CTNNA2: variants seen among roughly 807,000 people sequenced by gnomAD.
CTNNA2 encodes catenin alpha 2.
Under a neutral mutation model 101.0 loss-of-function variants are expected in CTNNA2, and 42 were observed. That is an observed-to-expected ratio of 0.42 (90% CI 0.32 to 0.54). CTNNA2 has a LOEUF of 0.54. Ranked by LOEUF, CTNNA2 falls within the 20% of genes least tolerant of loss-of-function variation. CTNNA2 has a pLI of 0.14. For missense variants in CTNNA2, 871 were observed against 1,223.1 expected (o/e 0.71, Z 4.29); for synonymous variants, 450 against 456.4 (o/e 0.99, Z 0.18).
At chr2:79,598,750 G>A (rs1353260040) in intron 1 of CTNNA2, among the ~76,000 whole-genome samples, 2 of 152,150 alleles carry the variant, frequency 1.3e-5, no homozygotes, top group Non-Finnish European at 2.9e-5. Flanking sequence ...CTCCCAGTGT[G>A]TGTATTGTCT....
intron 2 of CTNNA2, among the ~76,000 whole-genome samples, chr2:79,730,996 A>G (rs534889415): frequency 2.4e-4 from 37 of 152,184 alleles, no homozygotes; most frequent in Non-Finnish European, 4.7e-4. Flanking sequence ...AGAAATTAAT[A>G]TCAAGGAAAC....
chr2:80,484,138 T>G (rs749067149), intron 9 of CTNNA2, among the ~76,000 whole-genome samples: 1 of 152,286 alleles, frequency 6.6e-6, no homozygotes, highest in East Asian at 1.9e-4. Flanking sequence ...CCAAGAAATA[T>G]ATAGAAAACC....
At chr2:80,637,192 G>C (rs1191283153) in intron 18 of CTNNA2, among the ~76,000 whole-genome samples, 2 of 152,150 alleles carry the variant, frequency 1.3e-5, no homozygotes, top group Non-Finnish European at 2.9e-5. Flanking sequence ...GGAAAGATGG[G>C]TCATAATAAT....
chr2:79,529,954 A>G (rs569955232), intron 1 of CTNNA2, among the ~76,000 whole-genome samples: 5 of 152,028 alleles, frequency 3.3e-5, no homozygotes, highest in African/African-American at 1.2e-4. Flanking sequence ...CTAAAAGTGT[A>G]GCAGTTGTGC....
intron 7 of CTNNA2, among the ~76,000 whole-genome samples, chr2:80,332,175 A>G (rs1466312664): frequency 6.6e-6 from 1 of 152,168 alleles, no homozygotes; most frequent in Non-Finnish European, 1.5e-5. Flanking sequence ...TGTGCATTGA[A>G]CAGTGTTTCT....
intron 2 of CTNNA2, among the ~76,000 whole-genome samples, chr2:79,686,219 CTAA>C (rs1164149087): frequency 6.6e-6 from 1 of 152,074 alleles, no homozygotes; most frequent in Non-Finnish European, 1.5e-5. Flanking sequence ...TTACTGAAAG[CTAA>C]GGAGATTGGA....
intron 3 of CTNNA2, among the ~76,000 whole-genome samples, chr2:79,328,868 AAGG>A (rs1676807019): frequency 6.6e-6 from 1 of 152,162 alleles, no homozygotes; most frequent in South Asian, 2.1e-4. Flanking sequence ...CCAGAGGCTC[AAGG>A]GATGTTTCTG....
chr2:79,288,768 C>A (rs1167672361), intron 2 of CTNNA2, among the ~76,000 whole-genome samples: 2 of 152,168 alleles, frequency 1.3e-5, no homozygotes, highest in East Asian at 1.9e-4. Flanking sequence ...CTAATGTATT[C>A]TATTTGTCAA....
intron 3 of CTNNA2, among the ~76,000 whole-genome samples, chr2:79,775,631 T>C (rs916215465): frequency 1.3e-5 from 2 of 152,054 alleles, no homozygotes; most frequent in African/African-American, 2.4e-5. Context: ...AAAACAAAAC[T>C]GAGGCCCAGT....
At chr2:80,602,238 C>T (rs216657) in intron 15 of CTNNA2, among the ~76,000 whole-genome samples, 82,827 of 151,688 alleles carry the variant, frequency 0.55, 22,852 homozygotes, top group East Asian at 0.61. Context: ...CTGTAGTCTC[C>T]GGTGTAATCA....
At chr2:80,041,531 G>A (rs965967326) in intron 7 of CTNNA2, among the ~76,000 whole-genome samples, 2 of 152,000 alleles carry the variant, frequency 1.3e-5, no homozygotes, top group Admixed American at 6.6e-5. Context: ...ACACTACCTA[G>A]CAAAATTTTG....
At chr2:80,363,000 G>A (rs1201017677) in intron 7 of CTNNA2, among the ~76,000 whole-genome samples, 7 of 94,030 alleles carry the variant, frequency 7.4e-5, no homozygotes, top group South Asian at 7.6e-4. Flanking sequence ...GCAAGACATC[G>A]TCTCAAAAAA....
intron 2 of CTNNA2, among the ~76,000 whole-genome samples, chr2:79,701,943 A>G (rs1479990123): frequency 6.8e-6 from 1 of 146,370 alleles, no homozygotes; most frequent in Non-Finnish European, 1.5e-5. Context: ...TGGGGGTTAC[A>G]GTGAGCCAAG....
chr2:80,147,913 G>T (rs180812022), intron 7 of CTNNA2, among the ~76,000 whole-genome samples: 179 of 152,300 alleles, frequency 1.2e-3, no homozygotes, highest in Non-Finnish European at 8.8e-4. Flanking sequence ...ATGTACAGGG[G>T]AAAGTTTTGT....
intron 3 of CTNNA2, among the ~76,000 whole-genome samples, chr2:79,347,000 C>A (rs986495341): frequency 6.6e-6 from 1 of 152,194 alleles, no homozygotes; most frequent in Non-Finnish European, 1.5e-5. Context: ...ACCATGTTCA[C>A]TGTTTGGATG....
At chr2:80,588,540 G>A (rs1696167664) in intron 14 of CTNNA2, among the ~76,000 whole-genome samples, 1 of 152,096 alleles carries the variant, frequency 6.6e-6, no homozygotes, top group Non-Finnish European at 1.5e-5. Context: ...AGGCAAATTG[G>A]CAAATGAAGA....
intron 2 of CTNNA2, chr2:79,312,609 T>C (rs1371846138): frequency 6.6e-6 from 1 of 152,180 alleles, no homozygotes; most frequent in Non-Finnish European, 1.5e-5. Context: ...TAAAAATTAT[T>C]CCAGGATAGG....
chr2:79,960,038 G>A (rs1434120), intron 7 of CTNNA2, among the ~76,000 whole-genome samples: 1 of 152,002 alleles, frequency 6.6e-6, no homozygotes, highest in Non-Finnish European at 1.5e-5. Context: ...GGACAAAGAG[G>A]TTTATGAGAG....
chr2:80,188,604 A>G (rs959749083), intron 7 of CTNNA2, among the ~76,000 whole-genome samples: 9 of 152,170 alleles, frequency 5.9e-5, no homozygotes, highest in African/African-American at 2.2e-4. Flanking sequence ...TACAACTTCT[A>G]GAGGCCACCC....
Sources: allele counts gnomAD v4.1 joint callset (sites outside exome capture counted in the v4.1 genomes callset), GRCh38; gene constraint gnomAD v4.1.1; transcripts MANE v1.5; gene names NCBI Gene and HGNC (gene_info 2026-07-23, HGNC 2026-07-21).